Variants in CMBL observed in about 807,000 individuals in gnomAD.
CMBL encodes carboxymethylenebutenolidase homolog.
CMBL carries 17 observed loss-of-function variants against 28.7 expected under a neutral mutation model. The ratio of observed to expected loss-of-function variants is 0.59; its 90% CI spans 0.41 to 0.89. The LOEUF is 0.89. CMBL is among the 40% of genes least tolerant of loss of function. The pLI is 0.00. For synonymous variants in CMBL, 106 were observed against 101.6 expected (o/e 1.04, Z -0.26); for missense variants, 310 against 298.5 (o/e 1.04, Z -0.28).
chr5:10,284,993 CT>C (rs546728467), intron 4 of CMBL, among the ~76,000 whole-genome samples: 249 of 142,700 alleles, frequency 1.7e-3, no homozygotes, highest in Admixed American at 2.2e-3. Flanking sequence ...GCTTTCTTTC[CT>C]TTTTTTTTTT....
intron 4 of CMBL, 55 bp from the exon 5 acceptor site, chr5:10,282,343 TC>T: frequency 1.0e-6 from 1 of 998,762 alleles, no homozygotes; most frequent in Non-Finnish European, 1.6e-6. Flanking sequence ...TGCCACATGA[TC>T]CCCACACCCA....
chr5:10,304,166 G>GTGAGCCCAGGTCT (rs1746958399), intron 1 of CMBL, among the ~76,000 whole-genome samples: 1 of 151,304 alleles, frequency 6.6e-6, no homozygotes, highest in African/African-American at 2.4e-5. Context: ...TTCAAGACCT[G>GTGAGCCCAGGTCT]CCTGGGCAAC....
At chr5:10,283,916 CA>C in intron 4 of CMBL, among the ~76,000 whole-genome samples, 1 of 152,228 alleles carries the variant, frequency 6.6e-6, no homozygotes, top group Non-Finnish European at 1.5e-5. Flanking sequence ...AAAAGATTTG[CA>C]GCAAGTTAAC....
Position 10,301,633 on chromosome 5 carries a change from C to T in CMBL, c.-20+5992G>A, listed in dbSNP as rs1447511205. ...TTTTTTTTTTTTGGAGACGGAGTCT[C>T]GCTCTCTCACCCAGGCTGGATTGCA... On this transcript the variant is annotated intron_variant, in intron 1 of 5. Transcript: ENST00000296658. 4.8e-5 allele frequency among the ~76,000 whole-genome samples: 6 copies of T among 125,472 alleles called. No homozygotes were observed. The South Asian group carries it at 7.5e-4, about 16-fold the overall frequency. The allele number at this position is 125,472 out of a possible 152,430, so 82.3% of individuals were successfully genotyped here. A position where few individuals can be genotyped will look rare whatever the true frequency, so the allele number is the denominator to read the frequency against.
intron 1 of CMBL, among the ~76,000 whole-genome samples, chr5:10,296,046 G>C (rs1746803345): frequency 6.6e-6 from 1 of 152,208 alleles, no homozygotes; most frequent in African/African-American, 2.4e-5. Flanking sequence ...TTACAGTCCT[G>C]TTGGCCATGA....
intron 3 of CMBL, 99 bp downstream of exon 3, chr5:10,288,323 T>C (rs774441122): frequency 2.3e-6 from 2 of 863,088 alleles, no homozygotes; most frequent in Non-Finnish European, 3.9e-6. Context: ...GGAGAAGTCC[T>C]ACCCCAAGGT....
At position 10,277,641 on chromosome 5, in the gene CMBL, T is replaced by G. The variant is rs1746418769; in HGVS notation, c.*2812A>C. Among the ~76,000 whole-genome samples the G allele has an allele frequency of 6.6e-6, 1 of 152,158 alleles. No individual in the cohort carries two copies. Among genetic ancestry groups the G allele is most frequent in the South Asian group, 2.1e-4 (1 of 4,824 alleles). ...GGCTATAAGAAAATTTAAAATTACA[T>G]ACATGGGGAAAAAAGCTAAAGTTGC... On this transcript the variant is annotated 3_prime_UTR_variant, in exon 6 of 6. Coordinates refer to ENST00000296658, the MANE Select transcript of CMBL (RefSeq NM_138809.4).
intron 1 of CMBL, among the ~76,000 whole-genome samples, 197 bp from the exon 2 acceptor site, chr5:10,290,978 G>A (rs566545263): frequency 2.2e-3 from 331 of 152,250 alleles, no homozygotes; most frequent in Non-Finnish European, 3.1e-3. Flanking sequence ...ATGCCGGATT[G>A]AATAACAACA....
At position 10,289,004 on chromosome 5, in the gene CMBL, G is replaced by C. The variant is rs1371159229; in HGVS notation, c.216-475C>G. Among the ~76,000 whole-genome samples the C allele has an allele frequency of 3.9e-5, 6 of 152,296 alleles. No individual in the cohort carries two copies. In the East Asian group the frequency reaches 1.2e-3, roughly 29 times the overall value. On this transcript the variant is annotated intron_variant, in intron 2 of 5. Transcript: ENST00000296658. The surrounding 1 kb of genome is among the most constrained non-coding windows in gnomAD (Gnocchi z 4.3). Reference sequence around the variant, plus strand: ...CAGCCTCCACCAAGACGGCGACGAAGCACAGTTTCCTATCCAGAGGGTATG... The same window carrying C: ...CAGCCTCCACCAAGACGGCGACGAACCACAGTTTCCTATCCAGAGGGTATG...
intron 1 of CMBL, among the ~76,000 whole-genome samples, chr5:10,307,011 C>T (rs1162374396): frequency 6.6e-6 from 1 of 152,118 alleles, no homozygotes; most frequent in Non-Finnish European, 1.5e-5. Context: ...TCTCAGTGCC[C>T]AGTGTTTCCA....
chr5:10,298,707 A>C (rs2126560020), intron 1 of CMBL, among the ~76,000 whole-genome samples: 1 of 152,364 alleles, frequency 6.6e-6, no homozygotes, highest in South Asian at 2.1e-4. Context: ...AGCCTGGCCA[A>C]CATGGCAAAA....
chr5:10,291,518 G>T (rs960116159), intron 1 of CMBL, among the ~76,000 whole-genome samples: 1 of 151,858 alleles, frequency 6.6e-6, no homozygotes, highest in Admixed American at 6.6e-5. Context: ...AAAATTAGCC[G>T]GGCGTGGTGG....
At chr5:10,300,280 C>T (rs916507554) in intron 1 of CMBL, among the ~76,000 whole-genome samples, 17 of 152,206 alleles carry the variant, frequency 1.1e-4, no homozygotes, top group South Asian at 6.2e-4. Flanking sequence ...CCCCACCAGA[C>T]GCTGGAATAG....
Position 10,294,396 on chromosome 5 carries a change from G to A in CMBL, c.-19-3615C>T, listed in dbSNP as rs1746774928. On this transcript the variant is annotated intron_variant, in intron 1 of 5. Transcript: ENST00000296658. ...GACAACACAGCAAGACCCCATATCT[G>A]CAAAAAAAAATTCAAAACTTAACTG... 3.3e-5 allele frequency among the ~76,000 whole-genome samples: 5 copies of A among 151,768 alleles called. No homozygotes were observed. The South Asian group carries it at 1.0e-3, about 31-fold the overall frequency.
At chr5:10,297,296 G>T (rs569687958) in intron 1 of CMBL, among the ~76,000 whole-genome samples, 237 of 152,202 alleles carry the variant, frequency 1.6e-3, no homozygotes, top group Non-Finnish European at 2.3e-3. Flanking sequence ...GAGGCCGGGC[G>T]TGGTGGCTCA....
intron 3 of CMBL, 37 bp from the exon 4 acceptor site, chr5:10,286,533 T>C: frequency 6.3e-7 from 1 of 1,597,600 alleles, no homozygotes. Context: ...GAATCAGGCT[T>C]ATTTTGTGAA....
In CMBL at chr5:10,290,624, C is replaced by T. The variant is rs769783517; in HGVS notation, c.139G>A (p.Val47Ile). 4 of 1,614,058 alleles carry T rather than the reference C, an allele frequency of 2.5e-6. No individual in the cohort carries two copies. The African/African-American group carries it at 5.3e-5, about 22-fold the overall frequency. The change falls in exon 2 of 6, where the codon GTC (valine) becomes ATC (isoleucine). Residue 47 changes from valine to isoleucine, a missense_variant. By Grantham distance (29) the Val-to-Ile change is conservative. Coordinates refer to ENST00000296658, the MANE Select transcript of CMBL (RefSeq NM_138809.4). The part of the protein sequence containing the change: ...SPVDAGKAVI[V>I]IQDIFGWQLP... The stretch of plus-strand genomic sequence containing the variant: ...TGCCAGCCAAATATATCTTGAATGA[C>T]AATCACAGCTTTGCCTGCATCAACG...
rs1487897026 is a variant in CMBL at position 10,284,004 on chromosome 5, G to A, written c.467-1716C>T. On this transcript the variant is annotated intron_variant, in intron 4 of 5. Coordinates refer to ENST00000296658, the MANE Select transcript of CMBL (RefSeq NM_138809.4). ...GGCAGCAGAAGAGCTAAGTAACAGA[G>A]AGAGCCTCCTTCACCTGTAACTCCT... Among the ~76,000 whole-genome samples, 2 of 152,228 alleles carry A rather than the reference G, an allele frequency of 1.3e-5. 1 individual carries two copies.
chr5:10,304,056 G>A (rs994732511), intron 1 of CMBL, among the ~76,000 whole-genome samples: 5 of 151,966 alleles, frequency 3.3e-5, no homozygotes, highest in African/African-American at 1.2e-4. Flanking sequence ...CCACGTACAC[G>A]GTTCTCCTTC....
Sources: allele counts gnomAD v4.1 joint callset (sites outside exome capture counted in the v4.1 genomes callset), GRCh38; gene constraint gnomAD v4.1.1; non-coding constraint Gnocchi (gnomAD v3.1); transcripts MANE v1.5; gene names NCBI Gene and HGNC (gene_info 2026-07-23, HGNC 2026-07-21).